Variants in RB1CC1 observed in about 807,000 individuals in gnomAD.
RB1CC1 encodes RB1-inducible coiled-coil protein 1.
Under a neutral mutation model 177.5 loss-of-function variants are expected in RB1CC1, and 46 were observed. The ratio of observed to expected loss-of-function variants is 0.26; its 90% confidence interval spans 0.20 to 0.33. The LOEUF is 0.33. Among genes scored for constraint, RB1CC1 ranks in the 10% least tolerant of loss-of-function variants. RB1CC1 has a pLI of 1.00. For missense variants in RB1CC1, 1,703 were observed against 1,816.3 expected (o/e 0.94, Z 1.13); for synonymous variants, 666 against 613.6 (o/e 1.09, Z -1.26).
Position 52,642,425 on chromosome 8 carries a change from T to C in RB1CC1, c.4263A>G (p.Ser1421=), listed in dbSNP as rs1849660668. 7.4e-6 allele frequency: 12 copies of C among 1,614,144 alleles called. No individual in the cohort carries two copies. In the East Asian group the frequency reaches 2.2e-4, roughly 30 times the overall value. ...CTGCTGTTTCCACAGCGGATCTATC[T>C]GATTCACCTGGGAGTTCAGGTGCAC... is the stretch of plus-strand genomic sequence containing the variant. ...GACAPELPGE[S]DRSAVETADE... Residue 1421 remains serine, a synonymous_variant, in exon 18 of 24, where the codon TCA becomes TCG. Transcript: ENST00000025008.
At chr8:52,671,058 T>TG (rs1385424744) in intron 7 of RB1CC1, among the ~76,000 whole-genome samples, 2 of 151,762 alleles carry the variant, frequency 1.3e-5, no homozygotes, top group Non-Finnish European at 2.9e-5. Flanking sequence ...ACAGATAAAA[T>TG]GGGGGGAAAA....
At chr8:52,662,955 T>C (rs766076764) in intron 8 of RB1CC1, among the ~76,000 whole-genome samples, 8 of 152,110 alleles carry the variant, frequency 5.3e-5, no homozygotes, top group South Asian at 2.1e-4. Flanking sequence ...CAAATTTAAA[T>C]TCTAGACCAT....
intron 8 of RB1CC1, 70 bp downstream of exon 8, chr8:52,667,951 T>TATATAAA: frequency 1.4e-6 from 2 of 1,440,260 alleles, no homozygotes; most frequent in Non-Finnish European, 1.9e-6. Flanking sequence ...ACCAAATTGA[T>TATATAAA]ACTGCATATA....
intron 1 of RB1CC1, among the ~76,000 whole-genome samples, chr8:52,702,104 A>G (rs1425894554): frequency 1.3e-5 from 2 of 152,242 alleles, no homozygotes; most frequent in South Asian, 4.1e-4. Context: ...CACCTTGCAC[A>G]GCCAAAACTA....
chr8:52,711,834 C>T (rs556909748), intron 1 of RB1CC1, among the ~76,000 whole-genome samples: 20 of 152,288 alleles, frequency 1.3e-4, no homozygotes, highest in Admixed American at 1.2e-3. Flanking sequence ...TTGGTATATG[C>T]CATGTATATC....
At chr8:52,713,312 T>C (rs947764526) in intron 1 of RB1CC1, among the ~76,000 whole-genome samples, 1 of 152,166 alleles carries the variant, frequency 6.6e-6, no homozygotes, top group African/African-American at 2.4e-5. Flanking sequence ...AACGACTAGA[T>C]TACGAAACCA....
chr8:52,699,313 C>T (rs528055786), intron 1 of RB1CC1, among the ~76,000 whole-genome samples: 89 of 152,242 alleles, frequency 5.8e-4, no homozygotes, highest in Non-Finnish European at 1.1e-3. Context: ...GTAGAGATAA[C>T]ATCTTCCTCA....
At chr8:52,666,490 T>C (rs1852078835) in intron 8 of RB1CC1, among the ~76,000 whole-genome samples, 1 of 149,934 alleles carries the variant, frequency 6.7e-6, no homozygotes, top group East Asian at 2.0e-4. Flanking sequence ...TGCACTCTAG[T>C]CTGGGCTACA....
At chr8:52,703,395 A>G (rs1331700289) in intron 1 of RB1CC1, among the ~76,000 whole-genome samples, 2 of 152,196 alleles carry the variant, frequency 1.3e-5, no homozygotes, top group Non-Finnish European at 2.9e-5. Context: ...AAAATGCTTC[A>G]TAACTTCTAC....
intron 15 of RB1CC1, among the ~76,000 whole-genome samples, chr8:52,649,833 G>C (rs1382495250): frequency 1.3e-5 from 2 of 152,132 alleles, no homozygotes; most frequent in African/African-American, 4.8e-5. Flanking sequence ...ACAGGAGAAA[G>C]CTTTCTCCTA....
chr8:52,687,107 A>G (rs1433257457), intron 1 of RB1CC1, 140 bp from the exon 2 acceptor site: 4 of 352,272 alleles, frequency 1.1e-5, no homozygotes, highest in African/African-American at 2.2e-5. Context: ...ATTCACTATA[A>G]TAACAACCAC....
chr8:52,658,662 C>T (rs1851319176), intron 13 of RB1CC1, among the ~76,000 whole-genome samples: 1 of 149,356 alleles, frequency 6.7e-6, no homozygotes, highest in Non-Finnish European at 1.5e-5. Context: ...AAAATAATTA[C>T]ATGTAAGGCA....
At chr8:52,662,942 T>G (rs1851754413) in intron 8 of RB1CC1, among the ~76,000 whole-genome samples, 1 of 152,042 alleles carries the variant, frequency 6.6e-6, no homozygotes, top group South Asian at 2.1e-4. Flanking sequence ...ATAGAATCAA[T>G]CCCAAATTTA....
chr8:52,686,829 A>G, intron 2 of RB1CC1, 24 bp downstream of exon 2: 1 of 435,890 alleles, frequency 2.3e-6, no homozygotes, highest in Middle Eastern at 3.4e-4. Flanking sequence ...AAACTCTGCT[A>G]TACAGGTAGA....
chr8:52,637,036 A>C (rs1280746690), intron 18 of RB1CC1, among the ~76,000 whole-genome samples: 1 of 151,902 alleles, frequency 6.6e-6, no homozygotes, highest in Non-Finnish European at 1.5e-5. Context: ...GTTATTTTTC[A>C]AGATTGCTTT....
intron 8 of RB1CC1, among the ~76,000 whole-genome samples, chr8:52,667,219 TA>T (rs1402579645): frequency 6.6e-6 from 1 of 152,064 alleles, no homozygotes. Context: ...AACTTATCAC[TA>T]AAAGGAAATA....
intron 8 of RB1CC1, among the ~76,000 whole-genome samples, chr8:52,665,971 C>T (rs570623353): frequency 6.6e-6 from 1 of 152,088 alleles, no homozygotes; most frequent in African/African-American, 2.4e-5. Context: ...AAACCTATAT[C>T]CTATGATTAG....
chr8:52,658,579 G>GAAAAA (rs67680393), intron 13 of RB1CC1, among the ~76,000 whole-genome samples: 14 of 98,790 alleles, frequency 1.4e-4, no homozygotes, highest in Non-Finnish European at 1.9e-4. Flanking sequence ...TCCGTCTCAA[G>GAAAAA]AAAAAAAAAA....
At chr8:52,711,335 A>G (rs1414527696) in intron 1 of RB1CC1, among the ~76,000 whole-genome samples, 1 of 152,198 alleles carries the variant, frequency 6.6e-6, no homozygotes, top group African/African-American at 2.4e-5. Context: ...AGTCAAATTA[A>G]GTTGATTTGG....
Sources: gnomAD v4.1 joint callset for allele counts (sites outside exome capture counted in the v4.1 genomes callset) on GRCh38, gnomAD v4.1.1 for gene constraint, MANE v1.5 for transcripts, NCBI Gene and HGNC (gene_info 2026-07-23, HGNC 2026-07-21) for gene names.